ICE1: variants seen among roughly 807,000 people sequenced by gnomAD.
ICE1 encodes interactor of little elongation complex ELL subunit 1, also known as little elongation complex subunit 1.
In ICE1, 64 loss-of-function variants were observed where a neutral mutation model predicts 192.7. The observed-to-expected ratio is 0.33, with a 90% confidence interval of 0.27 to 0.41. ICE1 has a LOEUF of 0.41. Among genes scored for constraint, ICE1 ranks in the 10% least tolerant of loss-of-function variants. The pLI is 1.00. For missense variants in ICE1, 2,708 were observed against 2,696.0 expected, an observed-to-expected ratio of 1.00 and a Z score of -0.10; for synonymous variants, 1,010 against 984.5, an observed-to-expected ratio of 1.03 and a Z score of -0.49.
rs773833845 is a variant in ICE1 at position 5,464,605 on chromosome 5, A to G, written c.5271A>G (p.Pro1757=). The G allele has an allele frequency of 1.2e-6, 2 of 1,611,712 alleles. No homozygotes were observed. Among genetic ancestry groups the G allele is most frequent in the Admixed American group, 1.7e-5 (1 of 59,572 alleles). ...TGAAAATCCTTGACACCATGTATCC[A>G]GAGTTATCTGCCAGGGCCCGGACCC... The part of the protein sequence containing the change: ...NSVKILDTMY[P]ELSARARTLN... Residue 1757 remains proline, a synonymous_variant, in exon 13 of 19, where the codon CCA becomes CCG. Transcript: ENST00000296564. This position sits in a 1 kb window ranked among gnomAD's most constrained non-coding sequence, Gnocchi z 4.0.
At chr5:5,435,688 T>G (rs1237449209) in intron 1 of ICE1, among the ~76,000 whole-genome samples, 1 of 111,094 alleles carries the variant, frequency 9.0e-6, no homozygotes, top group African/African-American at 4.0e-5. Flanking sequence ...GTTTTTGTTT[T>G]TTTTTTCGAG....
chr5:5,437,360 T>C, intron 3 of ICE1: 1 of 379,308 alleles, frequency 2.6e-6, no homozygotes. Context: ...TCTCATAAGC[T>C]TTTTAGTGGG....
chr5:5,445,309 A>G (rs1738181532), intron 7 of ICE1, among the ~76,000 whole-genome samples: 1 of 152,214 alleles, frequency 6.6e-6, no homozygotes, highest in South Asian at 2.1e-4. Context: ...GAATACTGAC[A>G]ATATGGCAGT....
chr5:5,485,154 G>A (rs1739608321), intron 17 of ICE1, among the ~76,000 whole-genome samples: 1 of 152,014 alleles, frequency 6.6e-6, no homozygotes, highest in South Asian at 2.1e-4. Flanking sequence ...AACCCTCAAA[G>A]AACTTTTGTT....
chr5:5,474,627 T>C (rs780226802), intron 16 of ICE1, among the ~76,000 whole-genome samples: 6 of 152,216 alleles, frequency 3.9e-5, no homozygotes, highest in Admixed American at 1.3e-4. Flanking sequence ...GTACCATCTC[T>C]GAGAGAATGG....
chr5:5,424,283 G>A (rs1737447041), intron 1 of ICE1, among the ~76,000 whole-genome samples: 1 of 152,156 alleles, frequency 6.6e-6, no homozygotes, highest in Non-Finnish European at 1.5e-5. Flanking sequence ...GAAGGAAGGG[G>A]AGGAAGGAAA....
intron 17 of ICE1, among the ~76,000 whole-genome samples, chr5:5,480,249 CTTT>C (rs574170460): frequency 3.1e-5 from 4 of 129,910 alleles, no homozygotes; most frequent in Non-Finnish European, 3.3e-5. Flanking sequence ...TTTTCTTTTT[CTTT>C]TTTTTTTTTT....
At chr5:5,458,599 G>A (rs1738655625) in intron 12 of ICE1, among the ~76,000 whole-genome samples, 1 of 152,202 alleles carries the variant, frequency 6.6e-6, no homozygotes, top group African/African-American at 2.4e-5. Context: ...TTCAGGTGGA[G>A]GAGCTGTTCT....
At chr5:5,467,425 G>A (rs1378834043) in intron 14 of ICE1, among the ~76,000 whole-genome samples, 1 of 152,182 alleles carries the variant, frequency 6.6e-6, no homozygotes, top group Non-Finnish European at 1.5e-5. Flanking sequence ...CTCAACCACA[G>A]CAAGCCCATT....
In ICE1 at chr5:5,461,629, G is replaced by C. The variant is rs1464643155; in HGVS notation, c.2295G>C (p.Lys765Asn). 6 of 1,613,516 alleles carry C rather than the reference G, an allele frequency of 3.7e-6. No individual in the cohort carries two copies. The highest frequency in any genetic ancestry group is 4.2e-6 in the Non-Finnish European group (5 of 1,179,696). The part of the protein sequence containing the change: ...QDPRIELTLN[K>N]PDFTSLIGSQ... Reference sequence around the variant, plus strand: ...CAAGAATTGAGCTCACACTAAATAAGCCAGATTTCACATCATTAATAGGTT... The same window carrying C: ...CAAGAATTGAGCTCACACTAAATAACCCAGATTTCACATCATTAATAGGTT... The change falls in exon 13 of 19, where the codon AAG (lysine) becomes AAC (asparagine). Residue 765 changes from lysine to asparagine, a missense_variant. Transcript: ENST00000296564.
intron 2 of ICE1, 131 bp downstream of exon 2, chr5:5,436,607 G>A (rs1737879366): frequency 2.1e-6 from 1 of 480,602 alleles, no homozygotes; most frequent in African/African-American, 2.0e-5. Context: ...GCATGGTACT[G>A]ATTATAATTC....
rs201576288 is a variant in ICE1, at chr5:5,463,233, A to G, written c.3899A>G (p.Lys1300Arg). 4.3e-6 allele frequency: 7 copies of G among 1,612,204 alleles called. No homozygotes were observed. In the African/African-American group the frequency reaches 8.0e-5, roughly 18 times the overall value. ...AACAACATGACCACTGAGAATTTAA[A>G]AGAGAAAAGTCCATTTCGGGAAACG... The part of the protein sequence containing the change: ...VNNNMTTENL[K>R]EKSPFRETTG... The change falls in exon 13 of 19, where the codon AAA (lysine) becomes AGA (arginine). Residue 1300 changes from lysine (K) to arginine (R), a missense_variant. Around this residue, in one of 2 missense-constraint regions of ICE1, gnomAD observed 2,366 missense variants for 2,276.6 expected, o/e 1.04. Transcript: ENST00000296564.
rs1472139335 is a variant in ICE1, at chr5:5,464,296, A to G, written c.4962A>G (p.Ile1654Met). 1 of 1,613,574 alleles carries G rather than the reference A, an allele frequency of 6.2e-7. No homozygotes were observed. The highest frequency in any genetic ancestry group is 8.5e-7 in the Non-Finnish European group (1 of 1,179,786). Residue 1654 changes from isoleucine to methionine, a missense_variant, in exon 13 of 19, where the codon ATA becomes ATG. Physicochemically the swap from Ile to Met is conservative, Grantham distance 10. This residue lies in a region of ICE1 where 2,366 missense variants were observed against 2,276.6 expected (regional missense o/e 1.04). Coordinates refer to ENST00000296564, the MANE Select transcript of ICE1 (RefSeq NM_015325.3). The surrounding 1 kb of genome is among the most constrained non-coding windows in gnomAD (Gnocchi z 4.0). ...PRTSQPLSPLISSSSPSSPAS... is the reference protein window; with the variant it reads ...PRTSQPLSPLMSSSSPSSPAS... ...CTTCACAGCCACTGTCTCCACTGAT[A>G]TCGAGTTCTAGTCCTTCCTCACCAG...
chr5:5,433,135 C>T (rs1018255899), intron 1 of ICE1, among the ~76,000 whole-genome samples: 1 of 152,190 alleles, frequency 6.6e-6, no homozygotes, highest in African/African-American at 2.4e-5. Context: ...GACAGGCAGC[C>T]AGTCTTAGAC....
At chr5:5,470,544 A>G (rs1348569816) in intron 15 of ICE1, among the ~76,000 whole-genome samples, 2 of 152,342 alleles carry the variant, frequency 1.3e-5, no homozygotes, top group South Asian at 4.1e-4. Flanking sequence ...AGGATTTCCA[A>G]ATACTCACTT....
At position 5,461,590 on chromosome 5, in the gene ICE1, T is replaced by C; in HGVS notation, c.2256T>C (p.Cys752=). ...VFMKATKDGQ[C]ESQDPRIELT... is the part of the protein sequence containing the mutation. ...TGAAAGCTACAAAAGATGGGCAATG[T>C]GAAAGTCAAGATCCAAGAATTGAGC... Residue 752 remains cysteine (C), a synonymous_variant, in exon 13 of 19, where the codon TGT becomes TGC. Transcript: ENST00000296564. The C allele has an allele frequency of 6.2e-7, 1 of 1,613,214 alleles. No individual in the cohort carries two copies. Among genetic ancestry groups the C allele is most frequent in the Non-Finnish European group, 8.5e-7 (1 of 1,179,524 alleles).
intron 15 of ICE1, among the ~76,000 whole-genome samples, chr5:5,469,556 T>C (rs778371606): frequency 6.6e-6 from 1 of 152,210 alleles, no homozygotes; most frequent in African/African-American, 2.4e-5. Flanking sequence ...GGTAGCGAAC[T>C]TCAAGAAGAG....
chr5:5,489,269 C>T lies in ICE1; in HGVS notation c.6740C>T (p.Pro2247Leu), dbSNP rs1739722325. The T allele has an allele frequency of 4.3e-6, 7 of 1,613,684 alleles. No individual in the cohort carries two copies. Among genetic ancestry groups the T allele is most frequent in the Non-Finnish European group, 2.5e-6 (3 of 1,179,782 alleles). ...CGGAGAGAGGCCTCCAAAAGCGTTC[C>T]GTCTGCGATTGTCAGCTGCCTAGAG... ...AWRREASKSV[P>L]SAIVSCLEEV... is the part of the protein sequence containing the mutation. The change falls in exon 19 of 19, where the codon CCG becomes CTG. Residue 2247 changes from proline (P) to leucine (L), a missense_variant. Physicochemically the swap from Pro to Leu is moderately conservative, Grantham distance 98. This residue lies in a region of ICE1 where 342 missense variants were observed against 419.3 expected (regional missense o/e 0.82). Coordinates refer to ENST00000296564, the MANE Select transcript of ICE1 (RefSeq NM_015325.3).
chr5:5,438,909 G>GT (rs1561076151), intron 3 of ICE1, among the ~76,000 whole-genome samples: 1 of 152,136 alleles, frequency 6.6e-6, no homozygotes, highest in East Asian at 1.9e-4. Flanking sequence ...GTATGCATTT[G>GT]TTGTACCTCA....
Sources: gnomAD v4.1 joint callset for allele counts (sites outside exome capture counted in the v4.1 genomes callset) on GRCh38, gnomAD v4.1.1 for gene constraint, gnomAD v4.1.1 regional missense constraint, Gnocchi (gnomAD v3.1) non-coding constraint, MANE v1.5 for transcripts, NCBI Gene and HGNC (gene_info 2026-07-23, HGNC 2026-07-21) for gene names.